Variants in NEO1 observed in about 807,000 individuals in gnomAD.
NEO1 encodes neogenin 1.
NEO1 carries 63 observed loss-of-function variants against 159.7 expected under a neutral mutation model. That is an observed-to-expected ratio of 0.39 (90% CI 0.32 to 0.49). The LOEUF is 0.49. Ranked by LOEUF, NEO1 falls within the 20% of genes least tolerant of loss-of-function variation. The pLI, the probability that NEO1 is intolerant of heterozygous loss-of-function variation, is 0.85. For missense variants in NEO1, 1,615 were observed against 1,831.0 expected (o/e 0.88, Z 2.15); for synonymous variants, 633 against 662.0 (o/e 0.96, Z 0.67).
intron 26 of NEO1, among the ~76,000 whole-genome samples, chr15:73,296,054 G>C (rs2042352692): frequency 6.6e-6 from 1 of 152,204 alleles, no homozygotes; most frequent in South Asian, 2.1e-4. Flanking sequence ...AGTTGTGCAA[G>C]GCAGCCCTGG....
At chr15:73,227,044 G>C (rs767320786) in intron 7 of NEO1, among the ~76,000 whole-genome samples, 2 of 152,238 alleles carry the variant, frequency 1.3e-5, no homozygotes, top group Non-Finnish European at 2.9e-5. Flanking sequence ...TCAAATACAT[G>C]TATTGGTTAA....
chr15:73,177,685 G>A (rs2035358141), intron 6 of NEO1, among the ~76,000 whole-genome samples: 1 of 152,076 alleles, frequency 6.6e-6, no homozygotes, highest in Admixed American at 6.5e-5. Context: ...GGAACTACAG[G>A]CACGCACTAC....
At chr15:73,156,842 A>G (rs2033815304) in intron 5 of NEO1, among the ~76,000 whole-genome samples, 1 of 152,168 alleles carries the variant, frequency 6.6e-6, no homozygotes, top group Non-Finnish European at 1.5e-5. Flanking sequence ...GCTTGTACTC[A>G]GGCCTCCCAA....
chr15:73,133,307 C>G (rs2031360800), intron 4 of NEO1, among the ~76,000 whole-genome samples: 1 of 152,004 alleles, frequency 6.6e-6, no homozygotes, highest in South Asian at 2.1e-4. Flanking sequence ...AATGGAAAAC[C>G]AAACATCCTA....
At chr15:73,301,235 CG>C in intron 27 of NEO1, 85 bp from the exon 28 acceptor site, 1 of 1,559,546 alleles carries the variant, frequency 6.4e-7, no homozygotes, top group Non-Finnish European at 8.7e-7. Flanking sequence ...TCTCTCACCC[CG>C]AAGCAGCACT....
chr15:73,274,012 C>T lies in NEO1; in HGVS notation c.3160+7C>T, dbSNP rs1436431774. On this transcript the variant is annotated splice_region_variant and intron_variant, in intron 20 of 28. Coordinates refer to ENST00000261908, the MANE Select transcript of NEO1 (RefSeq NM_002499.4). ...CAATTCAGAACACCTAAAGGTAATG[C>T]TCCCCAAGCTGAGGGTTTTGTTGTG... 1.9e-6 allele frequency: 3 copies of T among 1,610,880 alleles called. No homozygotes were observed. Among genetic ancestry groups the T allele is most frequent in the African/African-American group, 1.3e-5 (1 of 74,822 alleles).
At position 73,258,774 on chromosome 15, in the gene NEO1, C is replaced by G. The variant is rs146307907; in HGVS notation, c.2101C>G (p.Arg701Gly). The G allele has an allele frequency of 2.5e-6, 4 of 1,613,414 alleles. No individual in the cohort carries two copies. The South Asian group carries it at 3.3e-5, about 13-fold the overall frequency. Residue 701 changes from arginine (R) to glycine (G), a missense_variant, in exon 14 of 29, where the codon CGG (arginine) becomes GGG (glycine). Arg to Gly is a moderately radical substitution (Grantham distance 125). Transcript: ENST00000261908. ...QLSQLIEGLD[R>G]GTEYNFRVAA... is the part of the protein sequence containing the mutation. ...TTGTCATTTGGTCTCAGGTCTTGAT[C>G]GGGGGACTGAGTATAATTTCCGAGT...
At position 73,241,604 on chromosome 15, in the gene NEO1, C is replaced by A. The variant is rs867986310; in HGVS notation, c.1452-2740C>A. Among the ~76,000 whole-genome samples, 19 of 152,336 alleles carry A rather than the reference C, an allele frequency of 1.2e-4. No individual in the cohort carries two copies. In the South Asian group the frequency reaches 3.7e-3, roughly 30 times the overall value. On this transcript the variant is annotated intron_variant, in intron 8 of 28. Transcript: ENST00000261908. ...CATTGCCAGAACTAGAATTGCATCTCCTAACTTCCAGCCCAGTGCTTTCTT... is the reference window on the plus strand; with the variant it reads ...CATTGCCAGAACTAGAATTGCATCTACTAACTTCCAGCCCAGTGCTTTCTT...
At chr15:73,201,224 T>G (rs1484017330) in intron 7 of NEO1, among the ~76,000 whole-genome samples, 1 of 151,668 alleles carries the variant, frequency 6.6e-6, no homozygotes, top group African/African-American at 2.4e-5. Flanking sequence ...GCTTTAGGCT[T>G]AATTTTCTCT....
intron 19 of NEO1, among the ~76,000 whole-genome samples, chr15:73,273,501 T>C (rs545915927): frequency 3.7e-4 from 57 of 152,302 alleles, no homozygotes; most frequent in Non-Finnish European, 6.8e-4. Context: ...GTGGGTCAGA[T>C]AGATTCATGG....
chr15:73,258,985 C>G, intron 14 of NEO1, 109 bp downstream of exon 14: 1 of 845,194 alleles, frequency 1.2e-6, no homozygotes, highest in Non-Finnish European at 1.9e-6. Context: ...AGTCTGTGAA[C>G]TTTAGTGCAT....
chr15:73,281,502 G>A (rs752252721), intron 22 of NEO1, among the ~76,000 whole-genome samples: 5 of 152,016 alleles, frequency 3.3e-5, no homozygotes, highest in Non-Finnish European at 7.4e-5. Context: ...TGATCCACCC[G>A]CCTCGGCCTC....
At chr15:73,298,718 C>T in intron 27 of NEO1, 107 bp downstream of exon 27, 1 of 1,430,458 alleles carries the variant, frequency 7.0e-7, no homozygotes. Flanking sequence ...AAGCAAATAT[C>T]CTCCAAGCCT....
At chr15:73,194,037 A>G (rs1020426203) in intron 7 of NEO1, among the ~76,000 whole-genome samples, 2 of 152,174 alleles carry the variant, frequency 1.3e-5, no homozygotes, top group Non-Finnish European at 2.9e-5. Flanking sequence ...TGAGTACAGG[A>G]ATATACATCT....
chr15:73,057,383 CTTTAT>C (rs2067759562), intron 1 of NEO1, among the ~76,000 whole-genome samples: 2 of 151,936 alleles, frequency 1.3e-5, no homozygotes, highest in African/African-American at 4.8e-5. Context: ...TTTCCAAACA[CTTTAT>C]TTTATTAGTG....
At chr15:73,127,230 C>G (rs1032024619) in intron 4 of NEO1, among the ~76,000 whole-genome samples, 2 of 125,236 alleles carry the variant, frequency 1.6e-5, no homozygotes, top group African/African-American at 5.8e-5. Context: ...GACGCCGTCT[C>G]AAAAAAAAAA....
At chr15:73,094,870 T>C (rs1318043381) in intron 1 of NEO1, among the ~76,000 whole-genome samples, 4 of 152,200 alleles carry the variant, frequency 2.6e-5, no homozygotes, top group African/African-American at 9.6e-5. Flanking sequence ...GTGTGTAATG[T>C]CTGTTTGGGT....
chr15:73,163,252 T>G (rs2151895907), intron 5 of NEO1, among the ~76,000 whole-genome samples: 1 of 152,314 alleles, frequency 6.6e-6, no homozygotes, highest in South Asian at 2.1e-4. Flanking sequence ...TATTTCATTC[T>G]AATAGTTTTT....
intron 5 of NEO1, among the ~76,000 whole-genome samples, chr15:73,164,507 G>A (rs142080975): frequency 1.0e-3 from 154 of 152,194 alleles, no homozygotes; most frequent in African/African-American, 3.4e-3. Context: ...AAGCCACCAC[G>A]CCCAGCCTCT....
Sources: gnomAD v4.1 joint callset for allele counts (sites outside exome capture counted in the v4.1 genomes callset) on GRCh38, gnomAD v4.1.1 for gene constraint, MANE v1.5 for transcripts, NCBI Gene and HGNC (gene_info 2026-07-23, HGNC 2026-07-21) for gene names.